The following MYO5A variants were observed in gnomAD, a reference collection of about 807,000 sequenced individuals.
MYO5A encodes the protein myosin VA.
MYO5A carries 98 observed loss-of-function variants against 249.7 expected under a neutral mutation model. The observed-to-expected ratio is 0.39, with a 90% CI of 0.33 to 0.46. The LOEUF (loss-of-function observed/expected upper bound fraction) is 0.46. Ranked by LOEUF, MYO5A falls within the 20% of genes least tolerant of loss-of-function variation. The probability of loss-of-function intolerance (pLI) is 0.98; values close to 1 mark genes in which losing one functional copy is unlikely to be tolerated. For synonymous variants in MYO5A, 778 were observed against 810.6 expected (o/e 0.96, Z 0.68); for missense variants, 1,696 against 2,308.8 (o/e 0.73, Z 5.44).
At chr15:52,472,825 C>T (rs1332934440) in intron 1 of MYO5A, among the ~76,000 whole-genome samples, 2 of 152,202 alleles carry the variant, frequency 1.3e-5, no homozygotes, top group Admixed American at 1.3e-4. Flanking sequence ...CAAGTCTTTG[C>T]TATTGTGAAT....
Position 52,378,566 on chromosome 15 carries a change from T to TA in MYO5A, c.2208+1058dup, listed in dbSNP as rs1311854362. Among the ~76,000 whole-genome samples the TA allele has an allele frequency of 8.8e-3, 604 of 68,368 alleles. 6 individuals are homozygous for TA. The highest frequency in any genetic ancestry group is 0.031 in the South Asian group (65 of 2,104). The allele number at this position is 68,368 out of a possible 152,430, so 44.9% of individuals were successfully genotyped here. On this transcript the variant is annotated intron_variant, in intron 18 of 41. Coordinates refer to ENST00000399233, the MANE Select transcript of MYO5A (RefSeq NM_001382347.1). ...TGGGGCAAACTCAAAAAGCCCCAGTTAAAAAAAAAAAAAAAGCATTGCTGA... is the reference window on the plus strand; with the variant it reads ...TGGGGCAAACTCAAAAAGCCCCAGTTAAAAAAAAAAAAAAAAGCATTGCTGA...
Position 52,376,312 on chromosome 15 carries a change from A to G in MYO5A, c.2420+35T>C, listed in dbSNP as rs2041410693. ...ACTGTCCTTGGTTGGACAGTGAATT[A>G]GATGGGCACTCTACTCTGTCCCCAG... On this transcript the variant is annotated intron_variant, in intron 19 of 41. Transcript: ENST00000399233. The G allele has an allele frequency of 3.1e-6, 5 of 1,593,896 alleles. No individual in the cohort carries two copies. In the South Asian group the frequency reaches 3.3e-5, roughly 11 times the overall value.
chr15:52,382,382 G>T (rs1596379727), intron 16 of MYO5A, among the ~76,000 whole-genome samples: 1 of 152,086 alleles, frequency 6.6e-6, no homozygotes, highest in Non-Finnish European at 1.5e-5. Flanking sequence ...GACCAGCCTG[G>T]CCAAGATGAT....
intron 1 of MYO5A, among the ~76,000 whole-genome samples, chr15:52,507,343 T>C (rs537973851): frequency 6.6e-6 from 1 of 152,208 alleles, no homozygotes; most frequent in Non-Finnish European, 1.5e-5. Flanking sequence ...AGAATGTTGA[T>C]GATGGAAACA....
chr15:52,327,050 C>T (rs1045915419), intron 36 of MYO5A, among the ~76,000 whole-genome samples: 66 of 152,120 alleles, frequency 4.3e-4, no homozygotes, highest in African/African-American at 1.6e-3. Flanking sequence ...TGTTGCTTCC[C>T]ACATGGAACC....
At chr15:52,464,096 AT>A (rs2076306433) in intron 1 of MYO5A, among the ~76,000 whole-genome samples, 1 of 152,222 alleles carries the variant, frequency 6.6e-6, no homozygotes, top group Admixed American at 6.5e-5. Context: ...GTTATTAGTA[AT>A]ACCTGCCTCA....
chr15:52,317,317 T>A, intron 39 of MYO5A, 95 bp from the exon 40 acceptor site: 2 of 1,207,586 alleles, frequency 1.7e-6, no homozygotes, highest in Non-Finnish European at 2.4e-6. Context: ...GGATTTATGT[T>A]AAAATGACAG....
intron 1 of MYO5A, among the ~76,000 whole-genome samples, chr15:52,447,651 T>C (rs548578780): frequency 6.6e-6 from 1 of 152,196 alleles, no homozygotes. Context: ...TATTGAATGG[T>C]TATGACCAAA....
At position 52,314,194 on chromosome 15, in the gene MYO5A, C is replaced by T; in HGVS notation, c.5419G>A (p.Val1807Met). The change falls in exon 41 of 42, where the codon GTG becomes ATG. Residue 1807 changes from valine to methionine, a missense_variant. Around this residue, in one of 5 missense-constraint regions of MYO5A, gnomAD observed 625 missense variants for 908.1 expected, o/e 0.69. Transcript: ENST00000399233. ...TTAACTGGAGTATACAAATTCAACACTTTCACAATCTGTGAGAAATGAAAT... is the reference window on the plus strand; with the variant it reads ...TTAACTGGAGTATACAAATTCAACATTTTCACAATCTGTGAGAAATGAAAT... Reference protein sequence around the residue: ...NALTTAQIVKVLNLYTPVNEF... With the variant: ...NALTTAQIVKMLNLYTPVNEF... 3.1e-6 allele frequency: 5 copies of T among 1,608,990 alleles called. No individual in the cohort carries two copies. Among genetic ancestry groups the T allele is most frequent in the Non-Finnish European group, 4.3e-6 (5 of 1,175,594 alleles).
At chr15:52,427,559 T>A (rs1008817148) in intron 3 of MYO5A, among the ~76,000 whole-genome samples, 3 of 152,024 alleles carry the variant, frequency 2.0e-5, no homozygotes, top group Non-Finnish European at 2.9e-5. Flanking sequence ...ACAGAAATAG[T>A]TACCAGAAAG....
Position 52,343,102 on chromosome 15 carries a change from G to C in MYO5A, c.4040+15C>G. 1.3e-6 allele frequency: 2 copies of C among 1,597,484 alleles called. No individual in the cohort carries two copies. The highest frequency in any genetic ancestry group is 1.7e-6 in the Non-Finnish European group (2 of 1,164,932). On this transcript the variant is annotated intron_variant, in intron 31 of 41. Coordinates refer to ENST00000399233, the MANE Select transcript of MYO5A (RefSeq NM_001382347.1). ...ACAAATTAATAACATTCCATTTTGAGGAGACAAATATAACCTGTTGGCTTG... is the reference window on the plus strand; with the variant it reads ...ACAAATTAATAACATTCCATTTTGACGAGACAAATATAACCTGTTGGCTTG...
intron 23 of MYO5A, among the ~76,000 whole-genome samples, chr15:52,364,923 T>G (rs747069472): frequency 1.6e-4 from 24 of 152,242 alleles, no homozygotes; most frequent in African/African-American, 5.8e-4. Context: ...TTCCATGTAC[T>G]CTGGCCTTAG....
chr15:52,450,855 T>TTGTTTTTTTTG (rs60823450), intron 1 of MYO5A, among the ~76,000 whole-genome samples: 1 of 144,372 alleles, frequency 6.9e-6, no homozygotes, highest in East Asian at 2.0e-4. Flanking sequence ...TTTTTTTTTT[T>TTGTTTTTTTTG]TTTTTTTTTT....
intron 1 of MYO5A, among the ~76,000 whole-genome samples, chr15:52,523,460 G>A (rs11856626): frequency 0.15 from 22,889 of 152,150 alleles, 1,827 homozygotes; most frequent in Middle Eastern, 0.22. Flanking sequence ...TATTCAATGA[G>A]CAGCTATTCT....
intron 1 of MYO5A, among the ~76,000 whole-genome samples, chr15:52,491,873 A>T (rs934682527): frequency 1.3e-5 from 2 of 152,248 alleles, no homozygotes; most frequent in Non-Finnish European, 2.9e-5. Flanking sequence ...TATGCAGGAA[A>T]AATGATCCAG....
rs946723335 is a variant in MYO5A at position 52,328,105 on chromosome 15, C to A, written c.4556-99G>T. The A allele has an allele frequency of 4.0e-6, 4 of 993,364 alleles. No homozygotes were observed. The African/African-American group carries it at 6.5e-5, about 16-fold the overall frequency. The allele number at this position is 993,364 out of a possible 1,614,324, so 61.5% of individuals were successfully genotyped here. On this transcript the variant is annotated intron_variant, in intron 35 of 41. Coordinates refer to ENST00000399233, the MANE Select transcript of MYO5A (RefSeq NM_001382347.1). ...CACAGTTGTCATGTAAGAGTTCAAT[C>A]ATTCAAGGTAAGTAGGTAATATAAA...
chr15:52,309,622 G>A lies in MYO5A; in HGVS notation c.*4074C>T, dbSNP rs1324393760. On this transcript the variant is annotated 3_prime_UTR_variant, in exon 42 of 42. Coordinates refer to ENST00000399233, the MANE Select transcript of MYO5A (RefSeq NM_001382347.1). Reference sequence around the variant, plus strand: ...TCCCAAGCTATCATCAGAAATGATTGTAGAAGCGACCCCACCTACCGTCCA... The same window carrying A: ...TCCCAAGCTATCATCAGAAATGATTATAGAAGCGACCCCACCTACCGTCCA... 1.3e-5 allele frequency: 2 copies of A among 152,212 alleles called. No homozygotes were observed. The highest frequency in any genetic ancestry group is 4.8e-5 in the African/African-American group (2 of 41,438). 9.4% of individuals were successfully genotyped at this position (152,212 alleles called of 1,614,324 possible).
intron 20 of MYO5A, among the ~76,000 whole-genome samples, chr15:52,372,902 ACTGT>A (rs1300524748): frequency 6.6e-6 from 1 of 151,932 alleles, no homozygotes; most frequent in African/African-American, 2.4e-5. Context: ...TGGGCAGCAA[ACTGT>A]CTGTAGAGGC....
At chr15:52,473,027 T>C (rs970739465) in intron 1 of MYO5A, among the ~76,000 whole-genome samples, 1 of 152,252 alleles carries the variant, frequency 6.6e-6, no homozygotes, top group Non-Finnish European at 1.5e-5. Context: ...AAAGTGTTCC[T>C]ATTTCTCCAC....
Sources: gnomAD v4.1 joint callset for allele counts (sites outside exome capture counted in the v4.1 genomes callset) on GRCh38, gnomAD v4.1.1 for gene constraint, gnomAD v4.1.1 regional missense constraint, MANE v1.5 for transcripts, NCBI Gene and HGNC (gene_info 2026-07-23, HGNC 2026-07-21) for gene names.